Variants in TECRL observed in about 807,000 individuals in gnomAD.
TECRL encodes the protein trans-2,3-enoyl-CoA reductase like, also known as trans-2,3-enoyl-CoA reductase-like.
Under a neutral mutation model 52.8 loss-of-function variants are expected in TECRL, and 63 were observed. The observed-to-expected ratio is 1.19, with a 90% CI of 0.97 to 1.47. The LOEUF (loss-of-function observed/expected upper bound fraction) is 1.47, where lower values mean the gene tolerates loss of function less well. Among genes scored for constraint, TECRL ranks in the 40% most tolerant of loss-of-function variants. The pLI, the probability that TECRL is intolerant of heterozygous loss-of-function variation, is 0.00. For missense variants in TECRL, 482 were observed against 429.6 expected (o/e 1.12, Z -1.08); for synonymous variants, 164 against 141.9 (o/e 1.16, Z -1.10).
chr4:64,386,308 AATTATATTTACTGTTC>A (rs1444173780), intron 1 of TECRL, among the ~76,000 whole-genome samples: 1 of 152,130 alleles, frequency 6.6e-6, no homozygotes, highest in Non-Finnish European at 1.5e-5. Flanking sequence ...AAGGAAGAAA[AATTATATTTACTGTTC>A]ATTAAGTGGA....
Position 64,409,155 on chromosome 4 carries a change from T to C in TECRL, c.197A>G (p.Asp66Gly). ...ACATATCTGTTTCCTTGTTTGAGCA[T>C]CAAATATTTCAATCTCAAAGTGAGT... is the stretch of plus-strand genomic sequence containing the variant. ...KTTHFEIEIF[D>G]AQTRKQICIL... Residue 66 changes from aspartate (D) to glycine (G), a missense_variant, in exon 1 of 12, where the codon GAT (aspartate) becomes GGT (glycine). Transcript: ENST00000381210. 1 of 1,613,204 alleles carries C rather than the reference T, an allele frequency of 6.2e-7. No homozygotes were observed.
At chr4:64,341,622 A>G (rs1051224267) in intron 2 of TECRL, among the ~76,000 whole-genome samples, 2 of 152,132 alleles carry the variant, frequency 1.3e-5, no homozygotes, top group South Asian at 2.1e-4. Flanking sequence ...AAATGGGGCT[A>G]AAACATCCCC....
intron 9 of TECRL, among the ~76,000 whole-genome samples, chr4:64,285,234 C>T (rs1051996872): frequency 1.3e-5 from 2 of 152,040 alleles, no homozygotes; most frequent in African/African-American, 4.8e-5. Context: ...GACTCATATC[C>T]AACTTATCTG....
chr4:64,288,408 C>T (rs532511093), intron 9 of TECRL, among the ~76,000 whole-genome samples: 160 of 152,168 alleles, frequency 1.1e-3, no homozygotes, highest in African/African-American at 3.7e-3. Context: ...CAACATCGAC[C>T]GTTCTACAGT....
intron 2 of TECRL, among the ~76,000 whole-genome samples, chr4:64,353,333 A>T (rs139127297): frequency 6.6e-6 from 1 of 152,312 alleles, no homozygotes; most frequent in East Asian, 1.9e-4. Flanking sequence ...GAGGTACTAA[A>T]GAATGGATAA....
rs567765919 is a variant in TECRL at position 64,379,995 on chromosome 4, T to C, written c.235-4772A>G. On this transcript the variant is annotated intron_variant, in intron 1 of 11. Transcript: ENST00000381210. ...TCTCTATTGTTTTCCATAATGTCTG[T>C]ACTAATTTCATTTCCACTGATAGTG... is the stretch of plus-strand genomic sequence containing the variant. Among the ~76,000 whole-genome samples, 29 of 152,058 alleles carry C rather than the reference T, an allele frequency of 1.9e-4. 1 individual carries two copies. In the South Asian group the frequency reaches 5.6e-3, roughly 29 times the overall value.
intron 8 of TECRL, among the ~76,000 whole-genome samples, chr4:64,293,619 G>C (rs1723515724): frequency 6.6e-6 from 1 of 151,834 alleles, no homozygotes; most frequent in Non-Finnish European, 1.5e-5. Flanking sequence ...AGGGGTCGAG[G>C]GAGGACAGCT....
chr4:64,399,715 G>C (rs1474261565), intron 1 of TECRL, among the ~76,000 whole-genome samples: 1 of 152,198 alleles, frequency 6.6e-6, no homozygotes, highest in Non-Finnish European at 1.5e-5. Flanking sequence ...GGGAGTGTAA[G>C]TGGTTTTAAG....
At position 64,282,888 on chromosome 4, in the gene TECRL, C is replaced by G. The variant is rs1220676092; in HGVS notation, c.833-1329G>C. 2.0e-5 allele frequency among the ~76,000 whole-genome samples: 3 copies of G among 151,942 alleles called. No individual in the cohort carries two copies. In the East Asian group the frequency reaches 5.8e-4, roughly 29 times the overall value. On this transcript the variant is annotated intron_variant, in intron 9 of 11. Transcript: ENST00000381210. The stretch of plus-strand genomic sequence containing the variant: ...ACATTCTTCATAAATGTTCTCTCAA[C>G]CTATAGTTATTATAATAGAGCTTCT...
intron 10 of TECRL, 88 bp from the exon 11 acceptor site, chr4:64,281,174 T>G (rs1722805824): frequency 1.1e-6 from 1 of 922,988 alleles, no homozygotes; most frequent in Non-Finnish European, 1.6e-6. Context: ...TTTTAAGGCT[T>G]AAAATATTAG....
At chr4:64,342,314 T>C (rs892309914) in intron 2 of TECRL, among the ~76,000 whole-genome samples, 2 of 152,142 alleles carry the variant, frequency 1.3e-5, no homozygotes, top group African/African-American at 2.4e-5. Context: ...TCACCACTAG[T>C]ATATGCAGTG....
chr4:64,312,523 A>C (rs926560164), intron 5 of TECRL, among the ~76,000 whole-genome samples: 10 of 152,164 alleles, frequency 6.6e-5, no homozygotes, highest in Non-Finnish European at 1.2e-4. Flanking sequence ...GCACTTTGCG[A>C]GACTGAGGCA....
chr4:64,333,091 T>A (rs1002798417), intron 2 of TECRL, among the ~76,000 whole-genome samples: 1 of 152,026 alleles, frequency 6.6e-6, no homozygotes, highest in Non-Finnish European at 1.5e-5. Context: ...AAGATCTATA[T>A]ACTGAATATA....
At chr4:64,375,375 C>G (rs1208649619) in intron 1 of TECRL, 152 bp from the exon 2 acceptor site, 1 of 430,630 alleles carries the variant, frequency 2.3e-6, no homozygotes, top group Admixed American at 4.5e-5. Flanking sequence ...TTTTGACAAG[C>G]TTGAAATGTT....
intron 4 of TECRL, among the ~76,000 whole-genome samples, chr4:64,320,276 C>T (rs1041587114): frequency 6.6e-6 from 1 of 151,728 alleles, no homozygotes; most frequent in African/African-American, 2.4e-5. Flanking sequence ...TTAATTTTAA[C>T]CTTGCTAAAT....
At chr4:64,351,794 T>C (rs529746198) in intron 2 of TECRL, among the ~76,000 whole-genome samples, 50 of 152,314 alleles carry the variant, frequency 3.3e-4, no homozygotes, top group African/African-American at 9.1e-4. Flanking sequence ...TCTAATTGCA[T>C]AGTAAATGGT....
chr4:64,307,398 C>T (rs1428216415), intron 6 of TECRL, among the ~76,000 whole-genome samples: 1 of 152,104 alleles, frequency 6.6e-6, no homozygotes, highest in Non-Finnish European at 1.5e-5. Context: ...TCCAGCCCTC[C>T]TGGTCTGTTG....
intron 1 of TECRL, among the ~76,000 whole-genome samples, chr4:64,387,429 G>A (rs776871461): frequency 4.6e-5 from 7 of 152,090 alleles, no homozygotes; most frequent in Non-Finnish European, 7.4e-5. Context: ...AGATACCAAG[G>A]AGCATGACTG....
intron 4 of TECRL, among the ~76,000 whole-genome samples, chr4:64,319,304 TAAA>T (rs1376150252): frequency 6.8e-6 from 1 of 146,868 alleles, no homozygotes; most frequent in Admixed American, 6.8e-5. Context: ...AAATTTACAA[TAAA>T]AATAGGGTAT....
Sources: gnomAD v4.1 joint callset for allele counts (sites outside exome capture counted in the v4.1 genomes callset) on GRCh38, gnomAD v4.1.1 for gene constraint, MANE v1.5 for transcripts, NCBI Gene and HGNC (gene_info 2026-07-23, HGNC 2026-07-21) for gene names.